The following CTNNA3 variants were observed in gnomAD, a reference collection of about 807,000 sequenced individuals.
CTNNA3 encodes the protein catenin alpha-3.
CTNNA3 carries 76 observed loss-of-function variants against 95.7 expected under a neutral mutation model. The observed-to-expected ratio is 0.79, with a 90% CI of 0.66 to 0.96. CTNNA3 has a LOEUF of 0.96. CTNNA3 is among the 40% of genes least tolerant of loss of function. CTNNA3 has a pLI of 0.00. For synonymous variants in CTNNA3, 431 were observed against 374.4 expected (o/e 1.15, Z -1.74); for missense variants, 1,191 against 1,089.8 (o/e 1.09, Z -1.31).
chr10:67,074,165 T>C (rs897790645), intron 7 of CTNNA3, among the ~76,000 whole-genome samples: 2 of 150,278 alleles, frequency 1.3e-5, no homozygotes, highest in African/African-American at 4.9e-5. Flanking sequence ...CCCAAGTAGC[T>C]GGGACTATAG....
chr10:66,404,480 G>A (rs547184762), intron 11 of CTNNA3, among the ~76,000 whole-genome samples: 1 of 152,234 alleles, frequency 6.6e-6, no homozygotes, highest in South Asian at 2.1e-4. Flanking sequence ...TGTGTGCTGG[G>A]CACTTGGCTA....
At chr10:67,576,389 AG>A (rs1411308971) in intron 3 of CTNNA3, among the ~76,000 whole-genome samples, 3 of 152,062 alleles carry the variant, frequency 2.0e-5, no homozygotes, top group African/African-American at 7.2e-5. Flanking sequence ...ATATAATGAG[AG>A]GAGGCATTAT....
chr10:65,935,980 T>A (rs1300992576), intron 17 of CTNNA3, among the ~76,000 whole-genome samples: 2 of 152,108 alleles, frequency 1.3e-5, no homozygotes, highest in Non-Finnish European at 2.9e-5. Flanking sequence ...ATAGTGAGGT[T>A]TTTGCAACAG....
chr10:66,718,811 AATTG>A (rs1424033007), intron 9 of CTNNA3, among the ~76,000 whole-genome samples: 1 of 152,124 alleles, frequency 6.6e-6, no homozygotes, highest in Non-Finnish European at 1.5e-5. Flanking sequence ...ATCACATAAC[AATTG>A]ATTAACACCA....
At chr10:67,106,477 A>G (rs1248065035) in intron 7 of CTNNA3, among the ~76,000 whole-genome samples, 1 of 152,256 alleles carries the variant, frequency 6.6e-6, no homozygotes, top group African/African-American at 2.4e-5. Flanking sequence ...AAACACTTTA[A>G]GACAAAATAA....
chr10:66,219,546 A>T (rs1221301629), intron 13 of CTNNA3, among the ~76,000 whole-genome samples: 1 of 152,124 alleles, frequency 6.6e-6, no homozygotes, highest in Non-Finnish European at 1.5e-5. Context: ...AGTAGCCCAC[A>T]TGGTGAAAAA....
At chr10:66,479,556 T>G (rs528941285) in intron 11 of CTNNA3, among the ~76,000 whole-genome samples, 2 of 152,186 alleles carry the variant, frequency 1.3e-5, no homozygotes, top group South Asian at 4.1e-4. Flanking sequence ...GCCCATTTAT[T>G]TTTTAAATGT....
intron 5 of CTNNA3, among the ~76,000 whole-genome samples, chr10:67,464,844 C>G (rs1847522860): frequency 6.7e-6 from 1 of 150,054 alleles, no homozygotes; most frequent in Admixed American, 6.6e-5. Context: ...TCTTATCATC[C>G]TCTTCAAAAC....
chr10:66,531,260 G>T (rs2660001), intron 10 of CTNNA3, among the ~76,000 whole-genome samples: 150,271 of 152,322 alleles, frequency 0.99, 74,149 homozygotes, highest in Middle Eastern at 1. Flanking sequence ...TCCAGCTCCA[G>T]TACTTAGTTT....
Position 66,578,969 on chromosome 10 carries a change from C to CT in CTNNA3, c.1374+42722dup, listed in dbSNP as rs368410578. On this transcript the variant is annotated intron_variant, in intron 10 of 17. Transcript: ENST00000433211. ...AGCTGTGAATCCATCTGCTCTAGGC[C>CT]TTTTTTTTTTTTTGGTTGGTAGGCT... Among the ~76,000 whole-genome samples the CT allele has an allele frequency of 9.4e-3, 1,322 of 140,568 alleles. 14 individuals carry two copies. Among genetic ancestry groups the CT allele is most frequent in the East Asian group, 0.029 (138 of 4,776 alleles). 92.2% of individuals were successfully genotyped at this position (140,568 alleles called of 152,430 possible).
At chr10:66,589,826 C>T (rs887960099) in intron 10 of CTNNA3, among the ~76,000 whole-genome samples, 1 of 152,062 alleles carries the variant, frequency 6.6e-6, no homozygotes, top group African/African-American at 2.4e-5. Flanking sequence ...AAAGGAAGGA[C>T]CATCCCACAC....
intron 7 of CTNNA3, among the ~76,000 whole-genome samples, chr10:66,951,757 T>C (rs1418890867): frequency 6.6e-6 from 1 of 152,166 alleles, no homozygotes; most frequent in Non-Finnish European, 1.5e-5. Context: ...TATTTTAGCA[T>C]GTGAAACATT....
chr10:66,217,859 T>G (rs1006743898), intron 13 of CTNNA3, among the ~76,000 whole-genome samples: 1 of 152,148 alleles, frequency 6.6e-6, no homozygotes, highest in Non-Finnish European at 1.5e-5. Context: ...AAACTCCACC[T>G]TCAAGCCTAG....
chr10:66,854,024 A>G (rs1843597288), intron 7 of CTNNA3, among the ~76,000 whole-genome samples: 1 of 152,048 alleles, frequency 6.6e-6, no homozygotes, highest in Non-Finnish European at 1.5e-5. Context: ...TCGCATGTAA[A>G]TGCACTTTTC....
At chr10:65,930,634 G>A (rs1245698052) in intron 17 of CTNNA3, among the ~76,000 whole-genome samples, 1 of 151,952 alleles carries the variant, frequency 6.6e-6, no homozygotes, top group East Asian at 1.9e-4. Flanking sequence ...TTTTATTTCT[G>A]TGATTATAAT....
chr10:66,948,006 T>C (rs919360144), intron 7 of CTNNA3, among the ~76,000 whole-genome samples: 1 of 152,254 alleles, frequency 6.6e-6, no homozygotes, highest in Admixed American at 6.5e-5. Flanking sequence ...CAAGTTACTG[T>C]ATAGAATGCT....
chr10:67,754,783 C>A (rs577026239), intron 1 of CTNNA3, among the ~76,000 whole-genome samples: 1 of 152,214 alleles, frequency 6.6e-6, no homozygotes, highest in South Asian at 2.1e-4. Flanking sequence ...CTGCAAACTA[C>A]GTATCTGACA....
chr10:67,669,659 A>G (rs1272975471), intron 1 of CTNNA3, among the ~76,000 whole-genome samples: 2 of 152,246 alleles, frequency 1.3e-5, no homozygotes, highest in Non-Finnish European at 2.9e-5. Flanking sequence ...AATGCTAATT[A>G]CCATGCCAAA....
chr10:67,024,313 T>G (rs953851129), intron 7 of CTNNA3, among the ~76,000 whole-genome samples: 2 of 152,212 alleles, frequency 1.3e-5, no homozygotes, highest in African/African-American at 4.8e-5. Flanking sequence ...TGTCTTTATA[T>G]TTTTTCTCTC....
Sources: gnomAD v4.1 joint callset for allele counts (sites outside exome capture counted in the v4.1 genomes callset) on GRCh38, gnomAD v4.1.1 for gene constraint, MANE v1.5 for transcripts, NCBI Gene and HGNC (gene_info 2026-07-23, HGNC 2026-07-21) for gene names.